Variants in STAG1 observed in about 807,000 individuals in gnomAD.
The protein encoded by STAG1 is STAG1 cohesin complex component, also known as cohesin subunit SA-1.
STAG1 carries 26 observed loss-of-function variants against 170.9 expected under a neutral mutation model. The ratio of observed to expected loss-of-function variants is 0.15; its 90% CI spans 0.11 to 0.21. The LOEUF (loss-of-function observed/expected upper bound fraction) is 0.21, where lower values mean the gene tolerates loss of function less well. STAG1 is among the 10% of genes least tolerant of loss of function. The pLI, the probability that STAG1 is intolerant of heterozygous loss-of-function variation, is 1.00. For missense variants in STAG1, 964 were observed against 1,509.5 expected, an observed-to-expected ratio of 0.64 and a Z score of 5.99; for synonymous variants, 514 against 497.7, an observed-to-expected ratio of 1.03 and a Z score of -0.44.
At chr3:136,413,825 G>A (rs1027917916) in intron 21 of STAG1, among the ~76,000 whole-genome samples, 1 of 152,024 alleles carries the variant, frequency 6.6e-6, no homozygotes, top group Non-Finnish European at 1.5e-5. Context: ...TAAATCACTA[G>A]GAGGAGAAAA....
chr3:136,395,895 T>C (rs1417953450), intron 22 of STAG1, among the ~76,000 whole-genome samples: 1 of 152,186 alleles, frequency 6.6e-6, no homozygotes, highest in Non-Finnish European at 1.5e-5. Flanking sequence ...CCTTTGACTT[T>C]ACTATATTAA....
chr3:136,657,051 A>C lies in STAG1; in HGVS notation c.-83-26070T>G, dbSNP rs571604819. On this transcript the variant is annotated intron_variant, in intron 1 of 33. Coordinates refer to ENST00000383202, the MANE Select transcript of STAG1 (RefSeq NM_005862.3). The stretch of plus-strand genomic sequence containing the variant: ...AATGTCCTATAAATGGAGAGCAATT[A>C]CTTGTGAATATTTTTTATACACTAT... Among the ~76,000 whole-genome samples, 5 of 152,090 alleles carry C rather than the reference A, an allele frequency of 3.3e-5. No homozygotes were observed. In the South Asian group the frequency reaches 1.0e-3, roughly 32 times the overall value.
intron 1 of STAG1, among the ~76,000 whole-genome samples, chr3:136,715,298 CCA>C (rs1943510212): frequency 1.3e-5 from 2 of 151,312 alleles, no homozygotes; most frequent in Non-Finnish European, 2.9e-5. Flanking sequence ...CAGGTATGAG[CCA>C]CTGCACCAGG....
intron 15 of STAG1, among the ~76,000 whole-genome samples, chr3:136,442,904 T>C (rs182214956): frequency 6.6e-6 from 1 of 152,254 alleles, no homozygotes; most frequent in Non-Finnish European, 1.5e-5. Context: ...CATGTGCCCA[T>C]AGTCTGAGGT....
At chr3:136,590,098 G>A (rs1260946198) in intron 4 of STAG1, among the ~76,000 whole-genome samples, 1 of 152,072 alleles carries the variant, frequency 6.6e-6, no homozygotes, top group Non-Finnish European at 1.5e-5. Context: ...ACTCCAGCCT[G>A]GGTGACAGAG....
intron 5 of STAG1, among the ~76,000 whole-genome samples, chr3:136,562,268 T>C (rs1246230947): frequency 6.9e-6 from 1 of 145,688 alleles, no homozygotes; most frequent in African/African-American, 2.5e-5. Context: ...TTCTTTTTCT[T>C]TTTTTTTTTT....
At chr3:136,369,968 A>G (rs540785847) in intron 23 of STAG1, among the ~76,000 whole-genome samples, 4 of 152,288 alleles carry the variant, frequency 2.6e-5, no homozygotes, top group African/African-American at 7.2e-5. Flanking sequence ...TGCCAGTCGT[A>G]TAACAGTATA....
intron 4 of STAG1, among the ~76,000 whole-genome samples, chr3:136,603,161 T>C (rs1938754997): frequency 2.0e-5 from 3 of 151,980 alleles, no homozygotes; most frequent in South Asian, 2.1e-4. Context: ...TTGTCTGTTT[T>C]AGTTCTAATA....
intron 3 of STAG1, among the ~76,000 whole-genome samples, chr3:136,606,056 A>G (rs1938919654): frequency 6.6e-6 from 1 of 152,218 alleles, no homozygotes. Context: ...TTTACAAAAA[A>G]AAAAGTTATG....
chr3:136,670,220 A>C (rs1941934731), intron 1 of STAG1, among the ~76,000 whole-genome samples: 1 of 152,204 alleles, frequency 6.6e-6, no homozygotes, highest in South Asian at 2.1e-4. Flanking sequence ...TCCCAACCCT[A>C]TAGCCAAGAA....
intron 26 of STAG1, among the ~76,000 whole-genome samples, chr3:136,362,457 A>G (rs757190493): frequency 2.0e-5 from 3 of 151,500 alleles, no homozygotes; most frequent in Non-Finnish European, 2.9e-5. Context: ...GTATACATCT[A>G]TTTAATCTAT....
chr3:136,529,285 C>T (rs1051151365), intron 6 of STAG1, among the ~76,000 whole-genome samples: 2 of 152,136 alleles, frequency 1.3e-5, no homozygotes, highest in African/African-American at 4.8e-5. Context: ...GAGATACAGA[C>T]ATTTAGATAC....
rs530853422 is a variant in STAG1, at chr3:136,509,228, G to A, written c.677-6449C>T. On this transcript the variant is annotated intron_variant, in intron 7 of 33. Coordinates refer to ENST00000383202, the MANE Select transcript of STAG1 (RefSeq NM_005862.3). ...CTTAATCCCTGAAGGATTCTCTTTC[G>A]ACTATCCCGATTAAACAGGCAAGAT... 7.2e-5 allele frequency among the ~76,000 whole-genome samples: 11 copies of A among 152,262 alleles called. No individual in the cohort carries two copies. The South Asian group carries it at 1.4e-3, about 20-fold the overall frequency.
At chr3:136,523,334 T>A (rs1158726957) in intron 6 of STAG1, among the ~76,000 whole-genome samples, 1 of 152,214 alleles carries the variant, frequency 6.6e-6, no homozygotes, top group Non-Finnish European at 1.5e-5. Flanking sequence ...AATGAGCATT[T>A]TTTCACGTGT....
chr3:136,598,536 C>T (rs1411302097), intron 4 of STAG1, among the ~76,000 whole-genome samples: 3 of 152,034 alleles, frequency 2.0e-5, no homozygotes, highest in Non-Finnish European at 2.9e-5. Context: ...ACGCCATTCT[C>T]CTGCCTCAGC....
At chr3:136,733,912 C>A (rs572823274) in intron 1 of STAG1, among the ~76,000 whole-genome samples, 18 of 152,174 alleles carry the variant, frequency 1.2e-4, no homozygotes, top group South Asian at 6.2e-4. Flanking sequence ...TCAAGACCAT[C>A]CTGGCTAACA....
At chr3:136,622,879 C>T (rs1939929041) in intron 3 of STAG1, among the ~76,000 whole-genome samples, 1 of 152,164 alleles carries the variant, frequency 6.6e-6, no homozygotes, top group African/African-American at 2.4e-5. Context: ...CTAACTAAAC[C>T]TCATTCACTG....
At chr3:136,406,331 T>G (rs1028194608) in intron 21 of STAG1, among the ~76,000 whole-genome samples, 4 of 152,204 alleles carry the variant, frequency 2.6e-5, no homozygotes, top group African/African-American at 7.2e-5. Context: ...TTCATTTATT[T>G]GGAAATCTTA....
intron 1 of STAG1, among the ~76,000 whole-genome samples, chr3:136,717,611 C>A (rs1943575797): frequency 6.6e-6 from 1 of 152,030 alleles, no homozygotes; most frequent in South Asian, 2.1e-4. Flanking sequence ...GTGCAGTGAG[C>A]GGAGATCGTG....
Sources: gnomAD v4.1 joint callset for allele counts (sites outside exome capture counted in the v4.1 genomes callset) on GRCh38, gnomAD v4.1.1 for gene constraint, MANE v1.5 for transcripts, NCBI Gene and HGNC (gene_info 2026-07-23, HGNC 2026-07-21) for gene names.